The following RAPGEF2 variants were observed in gnomAD, a reference collection of about 807,000 sequenced individuals.
RAPGEF2 encodes the protein PDZ domain containing guanine nucleotide exchange factor (GEF) 1.
A neutral mutation model predicts 186.7 loss-of-function variants in RAPGEF2; 54 were observed. That is an observed-to-expected ratio of 0.29 (90% CI 0.23 to 0.36). The LOEUF (loss-of-function observed/expected upper bound fraction) is 0.36, where lower values mean the gene tolerates loss of function less well. Ranked by LOEUF, RAPGEF2 falls within the 10% of genes least tolerant of loss-of-function variation. RAPGEF2 has a pLI of 1.00. For missense variants in RAPGEF2, 1,532 were observed against 2,045.0 expected (o/e 0.75, Z 4.84); for synonymous variants, 712 against 705.9 (o/e 1.01, Z -0.14).
intron 1 of RAPGEF2, among the ~76,000 whole-genome samples, chr4:159,166,448 T>A (rs764274947): frequency 9.9e-5 from 15 of 152,204 alleles, no homozygotes; most frequent in African/African-American, 3.6e-4. Flanking sequence ...ATGTACTGTT[T>A]TGCAGATAAT....
chr4:159,175,411 C>T (rs1315779487), intron 1 of RAPGEF2, among the ~76,000 whole-genome samples: 2 of 152,052 alleles, frequency 1.3e-5, no homozygotes, highest in African/African-American at 4.8e-5. Context: ...AGCACCTCAG[C>T]AGGCTGGTGA....
intron 7 of RAPGEF2, among the ~76,000 whole-genome samples, chr4:159,275,128 C>T (rs1561191878): frequency 6.7e-6 from 1 of 149,304 alleles, no homozygotes; most frequent in East Asian, 2.0e-4. Flanking sequence ...ATTGCACAGT[C>T]TGTGATACAT....
chr4:159,247,884 T>G (rs1050799580), intron 7 of RAPGEF2, among the ~76,000 whole-genome samples: 4 of 142,522 alleles, frequency 2.8e-5, no homozygotes, highest in African/African-American at 1.0e-4. Flanking sequence ...TGCCTCAGCC[T>G]CCCGAGTAGC....
intron 20 of RAPGEF2, among the ~76,000 whole-genome samples, chr4:159,342,729 G>T (rs1245567179): frequency 6.6e-6 from 1 of 151,854 alleles, no homozygotes; most frequent in Non-Finnish European, 1.5e-5. Flanking sequence ...TTACATTCAG[G>T]TGGTTTTACT....
At chr4:159,345,458 T>A in intron 24 of RAPGEF2, 129 bp downstream of exon 24, 1 of 769,522 alleles carries the variant, frequency 1.3e-6, no homozygotes, top group Non-Finnish European at 2.1e-6. Flanking sequence ...GATATACTAG[T>A]CTTTTCCTTG....
chr4:159,340,705 AC>A (rs1336317698), intron 19 of RAPGEF2, among the ~76,000 whole-genome samples: 1 of 146,612 alleles, frequency 6.8e-6, no homozygotes, highest in Non-Finnish European at 1.5e-5. Context: ...ACACACACAC[AC>A]ATTTATGGAA....
intron 4 of RAPGEF2, among the ~76,000 whole-genome samples, chr4:159,232,768 T>C (rs1402468162): frequency 6.6e-6 from 1 of 152,226 alleles, no homozygotes; most frequent in Admixed American, 6.5e-5. Flanking sequence ...GGGTTCCAAG[T>C]CCTCCACATT....
intron 9 of RAPGEF2, among the ~76,000 whole-genome samples, chr4:159,318,957 A>G (rs1048082663): frequency 6.6e-6 from 1 of 151,776 alleles, no homozygotes; most frequent in South Asian, 2.1e-4. Context: ...GTATCATTCT[A>G]ATAGGTAAGT....
intron 1 of RAPGEF2, among the ~76,000 whole-genome samples, chr4:159,144,263 A>G (rs1255822166): frequency 6.6e-6 from 1 of 152,140 alleles, no homozygotes; most frequent in African/African-American, 2.4e-5. Flanking sequence ...GTCTTACTGT[A>G]TTTTTTGAGG....
At chr4:159,332,791 A>G (rs1424633949) in intron 17 of RAPGEF2, 94 bp downstream of exon 17, 3 of 1,418,226 alleles carry the variant, frequency 2.1e-6, no homozygotes, top group Non-Finnish European at 2.9e-6. Context: ...TGAGTCTGAA[A>G]ACTGTTCTAG....
chr4:159,285,515 T>C (rs1486345367), intron 7 of RAPGEF2, among the ~76,000 whole-genome samples: 1 of 152,224 alleles, frequency 6.6e-6, no homozygotes, highest in Non-Finnish European at 1.5e-5. Flanking sequence ...ACTTGAACTT[T>C]TATTAGGTTT....
At chr4:159,337,529 T>C (rs1437820694) in intron 17 of RAPGEF2, among the ~76,000 whole-genome samples, 2 of 151,552 alleles carry the variant, frequency 1.3e-5, no homozygotes, top group African/African-American at 4.8e-5. Context: ...CTAGAGCTTA[T>C]TTTTTTTTAA....
chr4:159,112,252 A>G (rs1210179252), intron 1 of RAPGEF2, among the ~76,000 whole-genome samples: 1 of 152,220 alleles, frequency 6.6e-6, no homozygotes, highest in Non-Finnish European at 1.5e-5. Context: ...TTTAATAGTG[A>G]CAATGAAGAG....
chr4:159,144,654 G>T (rs1031613625), intron 1 of RAPGEF2, among the ~76,000 whole-genome samples: 1 of 152,146 alleles, frequency 6.6e-6, no homozygotes, highest in East Asian at 1.9e-4. Context: ...TGTACTTGTA[G>T]CCTGGCTAGG....
At chr4:159,123,371 G>T (rs1361980819) in intron 1 of RAPGEF2, among the ~76,000 whole-genome samples, 1 of 152,000 alleles carries the variant, frequency 6.6e-6, no homozygotes, top group South Asian at 2.1e-4. Context: ...CTCATAGTTT[G>T]CATATATTCT....
intron 7 of RAPGEF2, among the ~76,000 whole-genome samples, chr4:159,294,002 A>G (rs1304412206): frequency 6.6e-6 from 1 of 152,212 alleles, no homozygotes; most frequent in Non-Finnish European, 1.5e-5. Context: ...ACGTTGGGAA[A>G]TGTAATCTAG....
chr4:159,298,296 T>G (rs1005861559), intron 7 of RAPGEF2, among the ~76,000 whole-genome samples: 2 of 152,186 alleles, frequency 1.3e-5, no homozygotes, highest in Admixed American at 1.3e-4. Context: ...CTCTTTGCTT[T>G]GTGGAATACT....
intron 16 of RAPGEF2, 69 bp from the exon 17 acceptor site, chr4:159,332,382 A>G (rs1427402367): frequency 2.2e-5 from 33 of 1,479,776 alleles, no homozygotes; most frequent in Non-Finnish European, 3.0e-5. Context: ...AAGTTCCACA[A>G]TTGCCTTAGA....
At chr4:159,344,353 C>T (rs566248942) in intron 23 of RAPGEF2, among the ~76,000 whole-genome samples, 9 of 151,670 alleles carry the variant, frequency 5.9e-5, no homozygotes, top group Admixed American at 1.3e-4. Context: ...TGGTGTGTCT[C>T]GAAATGCAGA....
Sources: allele counts gnomAD v4.1 joint callset (sites outside exome capture counted in the v4.1 genomes callset), GRCh38; gene constraint gnomAD v4.1.1; transcripts MANE v1.5; gene names NCBI Gene and HGNC (gene_info 2026-07-23, HGNC 2026-07-21).